Variants in FMNL1 observed in about 807,000 individuals in gnomAD.
The protein encoded by FMNL1 is formin like 1.
In FMNL1, 43 loss-of-function variants were observed where a neutral mutation model predicts 121.3. That is an observed-to-expected ratio of 0.35 (90% CI 0.28 to 0.46). The LOEUF is 0.46. Ranked by LOEUF, FMNL1 falls within the 20% of genes least tolerant of loss-of-function variation. FMNL1 has a pLI of 1.00. For missense variants in FMNL1, 1,191 were observed against 1,482.4 expected (o/e 0.80, Z 3.23); for synonymous variants, 613 against 613.5 (o/e 1.00, Z 0.01).
chr17:45,234,172 G>A lies in FMNL1; in HGVS notation c.586G>A (p.Val196Met), dbSNP rs778765351. 13 of 1,613,944 alleles carry A rather than the reference G, an allele frequency of 8.1e-6. No individual in the cohort carries two copies. Among genetic ancestry groups the A allele is most frequent in the Admixed American group, 6.7e-5 (4 of 59,994 alleles). Residue 196 changes from valine (V) to methionine (M), a missense_variant, in exon 6 of 27, where the codon GTG (valine) becomes ATG (methionine). Around this residue, in one of 4 missense-constraint regions of FMNL1, gnomAD observed 253 missense variants for 417.5 expected, o/e 0.61. Coordinates refer to ENST00000331495, the MANE Select transcript of FMNL1 (RefSeq NM_005892.4). The part of the protein sequence containing the change: ...EDLSKGPPSS[V>M]PKSRHLTIKL... Reference sequence around the variant, plus strand: ...CCTCAGCAAGGGTCCACCCTCCTCCGTGCCCAAAAGCCGCCACCTGACCAT... The same window carrying A: ...CCTCAGCAAGGGTCCACCCTCCTCCATGCCCAAAAGCCGCCACCTGACCAT...
Position 45,245,912 on chromosome 17 carries a change from A to C in FMNL1, c.3029A>C (p.Glu1010Ala). 6.3e-7 allele frequency: 1 copy of C among 1,592,110 alleles called. No individual in the cohort carries two copies. The highest frequency in any genetic ancestry group is 8.5e-7 in the Non-Finnish European group (1 of 1,172,728). Reference protein sequence around the residue: ...AEQEVEQWKKEAAAQEAGADT... With the variant: ...AEQEVEQWKKAAAAQEAGADT... ...CAGGAGGTGGAACAGTGGAAAAAAG[A>C]AGCCGCTGCCCAGGAGGCAGGCGCT... The change falls in exon 24 of 27, where the codon GAA becomes GCA. Residue 1010 changes from glutamate (E) to alanine (A), a missense_variant. Physicochemically the swap from Glu to Ala is moderately radical, Grantham distance 107. This residue lies in a region of FMNL1 where 367 missense variants were observed against 528.6 expected (regional missense o/e 0.69). Transcript: ENST00000331495.
At chr17:45,244,399 A>AG (rs1250910591) in intron 19 of FMNL1, among the ~76,000 whole-genome samples, 155 bp downstream of exon 19, 2 of 152,196 alleles carry the variant, frequency 1.3e-5, no homozygotes, top group Admixed American at 1.3e-4. Context: ...GCGAGTGGGA[A>AG]GGGGTACAGC....
Position 45,230,238 on chromosome 17 carries a change from A to G in FMNL1, c.130-366A>G, listed in dbSNP as rs141200950. Among the ~76,000 whole-genome samples, 33 of 152,246 alleles carry G rather than the reference A, an allele frequency of 2.2e-4. No individual in the cohort carries two copies. The East Asian group carries it at 5.8e-3, about 27-fold the overall frequency. ...GCTTCCCACCAGAATGGGGGAAGAGATGATGCCCCAACAGGAAAACTGGGG... is the reference window on the plus strand; with the variant it reads ...GCTTCCCACCAGAATGGGGGAAGAGGTGATGCCCCAACAGGAAAACTGGGG... On this transcript the variant is annotated intron_variant, in intron 1 of 26. Transcript: ENST00000331495.
At position 45,247,178 on chromosome 17, in the gene FMNL1, C is replaced by T. The variant is rs917808235; in HGVS notation, c.*320C>T. Reference sequence around the variant, plus strand: ...GCTGCTTGCAGCACCCACCCTAAAGCCCCCTCCAAATAGCCATACTTAGCC... The same window carrying T: ...GCTGCTTGCAGCACCCACCCTAAAGTCCCCTCCAAATAGCCATACTTAGCC... On this transcript the variant is annotated 3_prime_UTR_variant, in exon 27 of 27. Coordinates refer to ENST00000331495, the MANE Select transcript of FMNL1 (RefSeq NM_005892.4). The T allele has an allele frequency of 1.1e-5, 6 of 564,320 alleles. No homozygotes were observed. The East Asian group carries it at 1.7e-4, about 16-fold the overall frequency. 35.0% of individuals were successfully genotyped at this position (564,320 alleles called of 1,614,324 possible).
intron 26 of FMNL1, 31 bp downstream of exon 26, chr17:45,246,635 G>T: frequency 1.3e-6 from 2 of 1,555,060 alleles, no homozygotes; most frequent in South Asian, 2.4e-5. Flanking sequence ...CTGATACCAC[G>T]CTGCCCACAG....
chr17:45,243,822 C>T lies in FMNL1; in HGVS notation c.2245C>T (p.Leu749=). 1 of 1,613,110 alleles carries T rather than the reference C, an allele frequency of 6.2e-7. No homozygotes were observed. Among genetic ancestry groups the T allele is most frequent in the Non-Finnish European group, 8.5e-7 (1 of 1,179,414 alleles). The change falls in exon 18 of 27, where the codon CTG becomes TTG. Residue 749 remains leucine, a synonymous_variant. Transcript: ENST00000331495. ...YDLQALGLDF[L]ELLMRFLPTE... ...CCTGCAGGCTCTGGGCCTGGACTTC[C>T]TGGAGCTGCTGATGCGCTTCCTGCC...
chr17:45,228,105 G>C (rs1285737876), intron 1 of FMNL1, among the ~76,000 whole-genome samples: 1 of 152,114 alleles, frequency 6.6e-6, no homozygotes, highest in Non-Finnish European at 1.5e-5. Flanking sequence ...GTCTGTTCCT[G>C]TTTTCAGGGT....
At chr17:45,228,872 T>C (rs2043382460) in intron 1 of FMNL1, among the ~76,000 whole-genome samples, 1 of 152,216 alleles carries the variant, frequency 6.6e-6, no homozygotes, top group East Asian at 1.9e-4. Context: ...TCCCTGGCAC[T>C]GCTGGCCCTG....
In FMNL1 at chr17:45,233,122, C is replaced by T. The variant is rs1260580612; in HGVS notation, c.328-102C>T. ...GCTGAGCATGAAAGGCCACTTGTGC[C>T]AGTTGGAGGAGGGTGGGCGCTGCTG... On this transcript the variant is annotated intron_variant, in intron 3 of 26. Coordinates refer to ENST00000331495, the MANE Select transcript of FMNL1 (RefSeq NM_005892.4). This position sits in a 1 kb window ranked among gnomAD's most constrained non-coding sequence, Gnocchi z 4.1. 2.6e-6 allele frequency: 3 copies of T among 1,164,838 alleles called. No individual in the cohort carries two copies. Among genetic ancestry groups the T allele is most frequent in the African/African-American group, 3.1e-5 (2 of 65,432 alleles). The allele number at this position is 1,164,838 out of a possible 1,614,324, so 72.2% of individuals were successfully genotyped here.
At chr17:45,243,424 C>A in intron 17 of FMNL1, 104 bp downstream of exon 17, 1 of 1,335,552 alleles carries the variant, frequency 7.5e-7, no homozygotes, top group Non-Finnish European at 1.0e-6. Context: ...GCTCTTTCAT[C>A]AGGCTTCATA....
chr17:45,223,215 A>G (rs1020626163), intron 1 of FMNL1, among the ~76,000 whole-genome samples: 2 of 152,178 alleles, frequency 1.3e-5, no homozygotes, highest in Admixed American at 6.5e-5. Context: ...GACAGGCAAA[A>G]TGAGGCTGTG....
rs115932310 is a variant in FMNL1, at chr17:45,231,858, G to T, written c.214-509G>T. 1.2e-4 allele frequency among the ~76,000 whole-genome samples: 18 copies of T among 152,286 alleles called. No homozygotes were observed. The East Asian group carries it at 2.5e-3, about 21-fold the overall frequency. On this transcript the variant is annotated intron_variant, in intron 2 of 26. Coordinates refer to ENST00000331495, the MANE Select transcript of FMNL1 (RefSeq NM_005892.4). The surrounding 1 kb of genome is among the most constrained non-coding windows in gnomAD (Gnocchi z 4.7). The stretch of plus-strand genomic sequence containing the variant: ...GTATGCCAGCTCTGGTCCAGGGAGG[G>T]CACCACCTGCTGGCTAGACTGAGTT...
chr17:45,233,167 G>A lies in FMNL1; in HGVS notation c.328-57G>A, dbSNP rs945147735. 6.5e-7 allele frequency: 1 copy of A among 1,531,690 alleles called. No homozygotes were observed. Among genetic ancestry groups the A allele is most frequent in the African/African-American group, 1.4e-5 (1 of 72,734 alleles). The allele number at this position is 1,531,690 out of a possible 1,614,324, so 94.9% of individuals were successfully genotyped here. On this transcript the variant is annotated intron_variant, in intron 3 of 26. Transcript: ENST00000331495. This position sits in a 1 kb window ranked among gnomAD's most constrained non-coding sequence, Gnocchi z 4.1. The stretch of plus-strand genomic sequence containing the variant: ...CTGCTGCCTGCTGCCTCAGGACTTG[G>A]TGGGCCTGTGGGAGGCCGGGCTCCA...
At position 45,241,369 on chromosome 17, in the gene FMNL1, G is replaced by A. The variant is rs138520820; in HGVS notation, c.1333-13G>A. 3 of 1,575,472 alleles carry A rather than the reference G, an allele frequency of 1.9e-6. No homozygotes were observed. Among genetic ancestry groups the A allele is most frequent in the East Asian group, 4.7e-5 (2 of 42,618 alleles). ...CTGCTGGTGGGCACTGACCCCTCCCGTGGGGTTCGTAGGAGCGCTTCAGCG... is the reference window on the plus strand; with the variant it reads ...CTGCTGGTGGGCACTGACCCCTCCCATGGGGTTCGTAGGAGCGCTTCAGCG... On this transcript the variant is annotated splice_polypyrimidine_tract_variant and intron_variant, in intron 13 of 26. Coordinates refer to ENST00000331495, the MANE Select transcript of FMNL1 (RefSeq NM_005892.4). This position sits in a 1 kb window ranked among gnomAD's most constrained non-coding sequence, Gnocchi z 7.0.
chr17:45,247,244 C>A lies in FMNL1; in HGVS notation c.*386C>A. 2 of 454,002 alleles carry A rather than the reference C, an allele frequency of 4.4e-6. 1 individual carries two copies. The highest frequency in any genetic ancestry group is 9.1e-5 in the South Asian group (2 of 22,068). The allele number at this position is 454,002 out of a possible 1,614,324, so 28.1% of individuals were successfully genotyped here. ...CCTGTAACTTATAAAGTGCACCTCG[C>A]CCCCGCAAGCCCCAGCCCCGAGGAC... On this transcript the variant is annotated 3_prime_UTR_variant, in exon 27 of 27. Transcript: ENST00000331495.
At position 45,233,934 on chromosome 17, in the gene FMNL1, G is replaced by C. The variant is rs2043495442; in HGVS notation, c.486-138G>C. 1.4e-6 allele frequency: 2 copies of C among 1,384,446 alleles called. No individual in the cohort carries two copies. Among genetic ancestry groups the C allele is most frequent in the Admixed American group, 4.6e-5 (2 of 43,746 alleles). The allele number at this position is 1,384,446 out of a possible 1,614,324, so 85.8% of individuals were successfully genotyped here. A position where few individuals can be genotyped will look rare whatever the true frequency, so the allele number is the denominator to read the frequency against. On this transcript the variant is annotated intron_variant, in intron 5 of 26. Transcript: ENST00000331495. This position sits in a 1 kb window ranked among gnomAD's most constrained non-coding sequence, Gnocchi z 4.1. ...GGCCTCTCTTCCACCACTATGTTCA[G>C]CACAGTGCCAAGAACACAGCCTCCT... is the stretch of plus-strand genomic sequence containing the variant.
rs775304686 is a variant in FMNL1 at position 45,245,373 on chromosome 17, C to T, written c.2849C>T (p.Ser950Leu). Reference sequence around the variant, plus strand: ...CTCAAGGAGTTCCTGAGGGCCAACTCGCCCACCATGGACAAGCTGCTGGCA... The same window carrying T: ...CTCAAGGAGTTCCTGAGGGCCAACTTGCCCACCATGGACAAGCTGCTGGCA... ...MVLKEFLRAN[S>L]PTMDKLLADS... The change falls in exon 22 of 27, where the codon TCG becomes TTG. Residue 950 changes from serine to leucine, a missense_variant. By Grantham distance (145) the Ser-to-Leu change is moderately radical. Coordinates refer to ENST00000331495, the MANE Select transcript of FMNL1 (RefSeq NM_005892.4). 1.2e-5 allele frequency: 19 copies of T among 1,614,060 alleles called. No individual in the cohort carries two copies. In the African/African-American group the frequency reaches 1.2e-4, roughly 10 times the overall value.
rs1191718884 is a variant in FMNL1 at position 45,232,613 on chromosome 17, G to A, written c.327+133G>A. On this transcript the variant is annotated intron_variant, in intron 3 of 26. Coordinates refer to ENST00000331495, the MANE Select transcript of FMNL1 (RefSeq NM_005892.4). Reference sequence around the variant, plus strand: ...TGTATGAGTGTGTGTGTGTGTTTGTGTGTCTGTGTATTTATAGGGGAATGA... The same window carrying A: ...TGTATGAGTGTGTGTGTGTGTTTGTATGTCTGTGTATTTATAGGGGAATGA... 2.6e-5 allele frequency: 21 copies of A among 810,460 alleles called. No individual in the cohort carries two copies. In the East Asian group the frequency reaches 5.3e-4, roughly 21 times the overall value. The allele number at this position is 810,460 out of a possible 1,614,324, so 50.2% of individuals were successfully genotyped here. A position where few individuals can be genotyped will look rare whatever the true frequency, so the allele number is the denominator to read the frequency against.
At position 45,247,255 on chromosome 17, in the gene FMNL1, C is replaced by T. The variant is rs1053531827; in HGVS notation, c.*397C>T. On this transcript the variant is annotated 3_prime_UTR_variant, in exon 27 of 27. Coordinates refer to ENST00000331495, the MANE Select transcript of FMNL1 (RefSeq NM_005892.4). ...TAAAGTGCACCTCGCCCCCGCAAGC[C>T]CCAGCCCCGAGGACCGTCCATGGAC... 9 of 457,046 alleles carry T rather than the reference C, an allele frequency of 2.0e-5. No homozygotes were observed. Among genetic ancestry groups the T allele is most frequent in the Admixed American group, 1.1e-4 (3 of 27,380 alleles). The allele number at this position is 457,046 out of a possible 1,614,324, so 28.3% of individuals were successfully genotyped here.
Sources: gnomAD v4.1 joint callset for allele counts (sites outside exome capture counted in the v4.1 genomes callset) on GRCh38, gnomAD v4.1.1 for gene constraint, gnomAD v4.1.1 regional missense constraint, Gnocchi (gnomAD v3.1) non-coding constraint, MANE v1.5 for transcripts, NCBI Gene and HGNC (gene_info 2026-07-23, HGNC 2026-07-21) for gene names.